CDH10: variants seen among roughly 807,000 people sequenced by gnomAD.
CDH10 encodes cadherin-10.
CDH10 carries 30 observed loss-of-function variants against 73.1 expected under a neutral mutation model. The ratio of observed to expected loss-of-function variants is 0.41; its 90% CI spans 0.31 to 0.56. The LOEUF is 0.56. Ranked by LOEUF, CDH10 falls within the 20% of genes least tolerant of loss-of-function variation. The pLI, the probability that CDH10 is intolerant of heterozygous loss-of-function variation, is 0.27. For synonymous variants in CDH10, 345 were observed against 348.2 expected (o/e 0.99, Z 0.10); for missense variants, 815 against 973.7 (o/e 0.84, Z 2.17).
chr5:24,528,855 G>T (rs1430056642), intron 5 of CDH10, among the ~76,000 whole-genome samples: 2 of 151,906 alleles, frequency 1.3e-5, no homozygotes, highest in South Asian at 2.1e-4. Context: ...CTTAAAAGCC[G>T]AATAACCTGG....
At chr5:24,547,938 C>T (rs1447236687) in intron 2 of CDH10, among the ~76,000 whole-genome samples, 1 of 152,178 alleles carries the variant, frequency 6.6e-6, no homozygotes, top group African/African-American at 2.4e-5. Context: ...CTGGTGACTT[C>T]TGTCAATTGT....
At chr5:24,608,558 C>A (rs1746841790) in intron 1 of CDH10, among the ~76,000 whole-genome samples, 1 of 152,080 alleles carries the variant, frequency 6.6e-6, no homozygotes, top group African/African-American at 2.4e-5. Context: ...CCCAAAGTGC[C>A]AGAATTACAG....
intron 1 of CDH10, among the ~76,000 whole-genome samples, chr5:24,610,259 C>T (rs566346585): frequency 6.6e-5 from 10 of 152,184 alleles, no homozygotes; most frequent in South Asian, 2.1e-4. Context: ...ATGACATAAA[C>T]GGGAAAATGA....
At chr5:24,562,538 G>GA (rs901524404) in intron 2 of CDH10, among the ~76,000 whole-genome samples, 43 of 150,450 alleles carry the variant, frequency 2.9e-4, no homozygotes, top group Admixed American at 5.3e-4. Flanking sequence ...ATACCCTACG[G>GA]AAAAAAAAAT....
chr5:24,610,685 A>T (rs1288111086), intron 1 of CDH10, among the ~76,000 whole-genome samples: 2 of 152,274 alleles, frequency 1.3e-5, no homozygotes, highest in Non-Finnish European at 1.5e-5. Flanking sequence ...CATCCTTGGC[A>T]TTTTATTGTT....
At chr5:24,603,719 A>G (rs1211272241) in intron 1 of CDH10, among the ~76,000 whole-genome samples, 3 of 126,084 alleles carry the variant, frequency 2.4e-5, no homozygotes, top group Non-Finnish European at 3.4e-5. Context: ...TACTTGCTGG[A>G]AAAAAAAAAT....
chr5:24,519,942 G>C (rs1393739379), intron 5 of CDH10, among the ~76,000 whole-genome samples: 1 of 152,224 alleles, frequency 6.6e-6, no homozygotes, highest in East Asian at 1.9e-4. Context: ...GAAAGTCTTG[G>C]TGCCCCCCAG....
At chr5:24,523,613 G>A (rs1167926296) in intron 5 of CDH10, among the ~76,000 whole-genome samples, 1 of 152,062 alleles carries the variant, frequency 6.6e-6, no homozygotes, top group Non-Finnish European at 1.5e-5. Flanking sequence ...ACTTCTTTGT[G>A]ATTGTTTGAT....
intron 2 of CDH10, among the ~76,000 whole-genome samples, chr5:24,572,152 G>A (rs12516067): frequency 0.39 from 58,507 of 151,924 alleles, 13,669 homozygotes; most frequent in East Asian, 0.53. Flanking sequence ...GTCTGAAGAA[G>A]AAATCAAAAT....
chr5:24,488,014 G>T lies in CDH10; in HGVS notation c.2016C>A (p.Ile672=), dbSNP rs201737578. ...TGGCTGCAGGATTCCTCAGGGTGCCGATATCAAAGGCCTGGGTGTCCTCCT... is the reference window on the plus strand; with the variant it reads ...TGGCTGCAGGATTCCTCAGGGTGCCTATATCAAAGGCCTGGGTGTCCTCCT... ...GGEEDTQAFD[I]GTLRNPAAIE... The change falls in exon 12 of 12, where the codon ATC becomes ATA. Residue 672 remains isoleucine (I), a synonymous_variant. Transcript: ENST00000264463. The T allele has an allele frequency of 6.2e-7, 1 of 1,613,796 alleles. No individual in the cohort carries two copies. Among genetic ancestry groups the T allele is most frequent in the Admixed American group, 1.7e-5 (1 of 59,966 alleles).
chr5:24,552,457 T>C (rs7722876), intron 2 of CDH10, among the ~76,000 whole-genome samples: 20,888 of 151,966 alleles, frequency 0.14, 1,618 homozygotes, highest in Admixed American at 0.21. Context: ...GTTTTTCCTA[T>C]AATCTGATAG....
rs539684860 is a variant in CDH10 at position 24,550,568 on chromosome 5, C to CT, written c.232-12895dup. ...TTCATTCAGCTGAAATCTTCTCTAT[C>CT]TTTTTCTCCCTTTCTTAGATCTTTA... On this transcript the variant is annotated intron_variant, in intron 2 of 11. Coordinates refer to ENST00000264463, the MANE Select transcript of CDH10 (RefSeq NM_006727.5). Among the ~76,000 whole-genome samples the CT allele has an allele frequency of 1.1e-3, 168 of 152,210 alleles. 1 individual carries two copies. The highest frequency in any genetic ancestry group is 3.9e-3 in the African/African-American group (162 of 41,538).
At chr5:24,518,684 G>A (rs541444571) in intron 5 of CDH10, among the ~76,000 whole-genome samples, 77 of 151,998 alleles carry the variant, frequency 5.1e-4, no homozygotes, top group African/African-American at 1.8e-3. Flanking sequence ...CCCTTTCAAT[G>A]AATATCATGT....
chr5:24,604,890 A>C (rs10057447), intron 1 of CDH10, among the ~76,000 whole-genome samples: 98,677 of 143,988 alleles, frequency 0.69, 35,815 homozygotes, highest in South Asian at 0.86. Context: ...AAAAAAAAAA[A>C]AAAAACAAAA....
At chr5:24,602,811 T>G (rs1348783606) in intron 1 of CDH10, among the ~76,000 whole-genome samples, 4 of 152,116 alleles carry the variant, frequency 2.6e-5, no homozygotes, top group Non-Finnish European at 2.9e-5. Flanking sequence ...AATAGTTTAT[T>G]TAGAGTGAGT....
At position 24,493,068 on chromosome 5, in the gene CDH10, T is replaced by C. The variant is rs188044103; in HGVS notation, c.1516-143A>G. 1.2e-3 allele frequency: 611 copies of C among 522,964 alleles called. 4 individuals are homozygous for C. The East Asian group carries it at 0.017, about 15-fold the overall frequency. 32.4% of individuals were successfully genotyped at this position (522,964 alleles called of 1,614,324 possible). Reference sequence around the variant, plus strand: ...AATGTATCCTTGAGTTAATCCATCTTTTTAGTATTACTTTGATTTTAATAA... The same window carrying C: ...AATGTATCCTTGAGTTAATCCATCTCTTTAGTATTACTTTGATTTTAATAA... On this transcript the variant is annotated intron_variant, in intron 9 of 11. Transcript: ENST00000264463.
At chr5:24,640,995 CATT>C (rs1748033408) in intron 1 of CDH10, among the ~76,000 whole-genome samples, 1 of 151,938 alleles carries the variant, frequency 6.6e-6, no homozygotes, top group Non-Finnish European at 1.5e-5. Context: ...TTCAACTCAT[CATT>C]GTTAATATTT....
intron 7 of CDH10, 33 bp downstream of exon 7, chr5:24,509,533 C>T (rs2111749042): frequency 1.2e-6 from 2 of 1,607,302 alleles, no homozygotes; most frequent in Non-Finnish European, 1.7e-6. Context: ...GCCACCGAGC[C>T]CGGCTGTTTT....
intron 3 of CDH10, among the ~76,000 whole-genome samples, chr5:24,536,196 CT>C (rs1419279687): frequency 6.6e-6 from 1 of 152,006 alleles, no homozygotes; most frequent in Non-Finnish European, 1.5e-5. Flanking sequence ...CTTCTTCCCC[CT>C]CTCCACTAAT....
Sources: allele counts gnomAD v4.1 joint callset (sites outside exome capture counted in the v4.1 genomes callset), GRCh38; gene constraint gnomAD v4.1.1; transcripts MANE v1.5; gene names NCBI Gene and HGNC (gene_info 2026-07-23, HGNC 2026-07-21).